Variants in UACA observed in about 807,000 individuals in gnomAD.
UACA encodes nuclear membrane binding protein.
UACA carries 112 observed loss-of-function variants against 160.5 expected under a neutral mutation model. The ratio of observed to expected loss-of-function variants is 0.70; its 90% confidence interval spans 0.60 to 0.82. The LOEUF is 0.82. Among genes scored for constraint, UACA ranks in the 40% least tolerant of loss-of-function variants. The pLI is 0.00. For missense variants in UACA, 1,574 were observed against 1,614.6 expected, an observed-to-expected ratio of 0.97 and a Z score of 0.43; for synonymous variants, 557 against 568.4, an observed-to-expected ratio of 0.98 and a Z score of 0.29.
intron 1 of UACA, among the ~76,000 whole-genome samples, chr15:70,700,301 G>GTATATATATATATATATATGTATATA (rs142277997): frequency 7.7e-6 from 1 of 129,884 alleles, no homozygotes; most frequent in African/African-American, 3.4e-5. Context: ...GAGGCAAATT[G>GTATATATATATATATATATGTATATA]TATATATATA....
At chr15:70,753,981 T>G (rs1567001411) in intron 1 of UACA, 2 of 368,934 alleles carry the variant, frequency 5.4e-6, no homozygotes, top group East Asian at 1.6e-4. Context: ...AATTTTTGTA[T>G]TTTTAGTGGA....
chr15:70,657,597 A>G (rs2140875789), intron 18 of UACA, among the ~76,000 whole-genome samples: 1 of 152,276 alleles, frequency 6.6e-6, no homozygotes, highest in African/African-American at 2.4e-5. Context: ...CCCATCTGAA[A>G]AAACAAAAAG....
At chr15:70,708,572 A>G (rs1898587872) in intron 1 of UACA, among the ~76,000 whole-genome samples, 1 of 151,556 alleles carries the variant, frequency 6.6e-6, no homozygotes, top group Non-Finnish European at 1.5e-5. Context: ...GGTTCAAGCT[A>G]TTCTCCTGGT....
intron 1 of UACA, among the ~76,000 whole-genome samples, chr15:70,748,605 C>A (rs1056305867): frequency 2.0e-5 from 3 of 152,302 alleles, no homozygotes; most frequent in Admixed American, 6.5e-5. Context: ...CACCAACATT[C>A]TCTTCCTACC....
intron 1 of UACA, among the ~76,000 whole-genome samples, chr15:70,760,424 AAAT>A (rs2030676989): frequency 6.6e-6 from 1 of 152,210 alleles, no homozygotes; most frequent in Admixed American, 6.5e-5. Context: ...GCCAATTAAG[AAAT>A]AATATTATTC....
chr15:70,755,866 C>T (rs898593006), intron 1 of UACA, among the ~76,000 whole-genome samples: 3 of 152,040 alleles, frequency 2.0e-5, no homozygotes, highest in African/African-American at 4.8e-5. Flanking sequence ...TTCACAGCTC[C>T]ATACCACTGC....
chr15:70,672,134 T>C (rs1897159418), intron 13 of UACA, 133 bp from the exon 14 acceptor site: 1 of 665,848 alleles, frequency 1.5e-6, no homozygotes. Context: ...AGAGCATTAT[T>C]CTACTCAAAC....
rs146743084 is a variant in UACA, at chr15:70,706,977, T to C, written c.79-7317A>G. On this transcript the variant is annotated intron_variant, in intron 1 of 18. Coordinates refer to ENST00000322954, the MANE Select transcript of UACA (RefSeq NM_018003.4). ...ACATGGAATCTCAAGGGACTTCAAA[T>C]AGGCAGTCTTGAAAAGGAAAAAGAA... is the stretch of plus-strand genomic sequence containing the variant. Among the ~76,000 whole-genome samples, 91 of 152,242 alleles carry C rather than the reference T, an allele frequency of 6.0e-4. 1 individual carries two copies. The East Asian group carries it at 0.017, about 28-fold the overall frequency.
At chr15:70,672,751 GAGTTCAAGA>G (rs1205074875) in intron 13 of UACA, among the ~76,000 whole-genome samples, 1 of 152,130 alleles carries the variant, frequency 6.6e-6, no homozygotes, top group Non-Finnish European at 1.5e-5. Context: ...TTGAGCCCAG[GAGTTCAAGA>G]CCAGCCTAGG....
rs527754267 is a variant in UACA at position 70,680,971 on chromosome 15, G to A, written c.823-1295C>T. ...TAGCAGCTTCTTCTGCTCCCTCCAC[G>A]ATGGGCACATCGCTCCTGTCACACT... On this transcript the variant is annotated intron_variant, in intron 9 of 18. Coordinates refer to ENST00000322954, the MANE Select transcript of UACA (RefSeq NM_018003.4). Among the ~76,000 whole-genome samples the A allele has an allele frequency of 3.3e-5, 5 of 152,170 alleles. No homozygotes were observed. In the East Asian group the frequency reaches 7.7e-4, roughly 24 times the overall value.
intron 1 of UACA, chr15:70,754,233 C>T: frequency 4.5e-6 from 2 of 448,402 alleles, no homozygotes; most frequent in Admixed American, 4.8e-5. Flanking sequence ...ACAGACAGTC[C>T]CCAACTTATG....
chr15:70,778,033 T>C, the UACA span, among the ~76,000 whole-genome samples: 4 of 151,968 alleles, frequency 2.6e-5, no homozygotes, highest in Non-Finnish European at 5.9e-5. Context: ...AAATTCCATC[T>C]CCACAAAAAA....
chr15:70,745,106 G>A (rs1899661353), intron 1 of UACA, among the ~76,000 whole-genome samples: 1 of 152,082 alleles, frequency 6.6e-6, no homozygotes, highest in Non-Finnish European at 1.5e-5. Flanking sequence ...TCTTCAAGGA[G>A]AACTACAAAC....
chr15:70,768,582 C>CA, the UACA span, among the ~76,000 whole-genome samples: 171 of 151,680 alleles, frequency 1.1e-3, no homozygotes, highest in Non-Finnish European at 1.8e-3. Flanking sequence ...GGTTGAAAGG[C>CA]AAAAAAAACC....
In UACA at chr15:70,763,465, AAGG is replaced by A; in HGVS notation, c.-61_-59del. ...TAAAGGCTGCGGAGTGCCAGCGCGC[AAGG>A]AGTAGACGGCAGCGGCTGCAGCAGA... is the stretch of plus-strand genomic sequence containing the variant. On this transcript the variant is annotated 5_prime_UTR_variant, in exon 1 of 19. Coordinates refer to ENST00000322954, the MANE Select transcript of UACA (RefSeq NM_018003.4). 2 of 1,274,382 alleles carry A rather than the reference AAGG, an allele frequency of 1.6e-6. No individual in the cohort carries two copies. The highest frequency in any genetic ancestry group is 2.0e-6 in the Non-Finnish European group (2 of 1,001,644). 78.9% of individuals were successfully genotyped at this position (1,274,382 alleles called of 1,614,324 possible).
At chr15:70,773,753 A>G in the UACA span, among the ~76,000 whole-genome samples, 1 of 152,232 alleles carries the variant, frequency 6.6e-6, no homozygotes, top group Non-Finnish European at 1.5e-5. Flanking sequence ...ACTTTTGGAA[A>G]TTTGAGGACA....
In UACA at chr15:70,738,913, C is replaced by T. The variant is rs1279438706; in HGVS notation, c.78+24417G>A. On this transcript the variant is annotated intron_variant, in intron 1 of 18. Transcript: ENST00000322954. ...CTTGTGTCTACAGTCAACTAGTAAA[C>T]AGGTTGGAGGTTAGATGGCCCAGCA... is the stretch of plus-strand genomic sequence containing the variant. Among the ~76,000 whole-genome samples, 5 of 152,160 alleles carry T rather than the reference C, an allele frequency of 3.3e-5. No homozygotes were observed. In the East Asian group the frequency reaches 9.6e-4, roughly 29 times the overall value.
chr15:70,677,182 C>T, intron 11 of UACA, 42 bp from the exon 12 acceptor site: 2 of 1,503,568 alleles, frequency 1.3e-6, no homozygotes, highest in Non-Finnish European at 9.1e-7. Context: ...TTCTTAAAAG[C>T]CTATTTTAAA....
intron 1 of UACA, among the ~76,000 whole-genome samples, chr15:70,737,477 T>C (rs1467395828): frequency 3.3e-5 from 5 of 152,140 alleles, no homozygotes; most frequent in Non-Finnish European, 5.9e-5. Context: ...GAGACCATGG[T>C]AGGTGGATCA....
Sources: allele counts gnomAD v4.1 joint callset (sites outside exome capture counted in the v4.1 genomes callset), GRCh38; gene constraint gnomAD v4.1.1; transcripts MANE v1.5; gene names NCBI Gene and HGNC (gene_info 2026-07-23, HGNC 2026-07-21).